Variants in LAMA2 observed in about 807,000 individuals in gnomAD.
The protein encoded by LAMA2 is laminin subunit alpha-2.
A neutral mutation model predicts 364.8 loss-of-function variants in LAMA2; 269 were observed. The observed-to-expected ratio is 0.74, with a 90% CI of 0.67 to 0.82. The LOEUF is 0.82. Among genes scored for constraint, LAMA2 ranks in the 40% least tolerant of loss-of-function variants. The pLI, the probability that LAMA2 is intolerant of heterozygous loss-of-function variation, is 0.00. For missense variants in LAMA2, 3,807 were observed against 3,873.2 expected (o/e 0.98, Z 0.45); for synonymous variants, 1,379 against 1,370.6 (o/e 1.01, Z -0.14).
chr6:129,287,858 G>C lies in LAMA2; in HGVS notation c.2549G>C (p.Gly850Ala), dbSNP rs34487290. Reference protein sequence around the residue: ...TGPRCERCAEGYFGQPSVPGG... With the variant: ...TGPRCERCAEAYFGQPSVPGG... The stretch of plus-strand genomic sequence containing the variant: ...ATTTCTTGCCTTAGGTGTGCAGAAG[G>C]CTATTTTGGACAACCCTCTGTACCT... Residue 850 changes from glycine to alanine, a missense_variant, in exon 19 of 65, where the codon GGC becomes GCC. Around this residue, in one of 3 missense-constraint regions of LAMA2, gnomAD observed 3,333 missense variants for 3,345.7 expected, o/e 1.00. Coordinates refer to ENST00000421865, the MANE Select transcript of LAMA2 (RefSeq NM_000426.4). 1.3e-5 allele frequency: 21 copies of C among 1,613,820 alleles called. No homozygotes were observed. In the South Asian group the frequency reaches 2.0e-4, roughly 15 times the overall value.
intron 12 of LAMA2, among the ~76,000 whole-genome samples, chr6:129,205,410 A>AG (rs1782562144): frequency 6.6e-6 from 1 of 150,974 alleles, no homozygotes; most frequent in Admixed American, 6.6e-5. Context: ...AAAAGAAAAA[A>AG]GAAAAAAAAA....
chr6:129,141,866 G>T (rs1317651544), intron 4 of LAMA2, among the ~76,000 whole-genome samples: 1 of 151,860 alleles, frequency 6.6e-6, no homozygotes, highest in African/African-American at 2.4e-5. Context: ...ATGTTTGTGT[G>T]TGTATGTGTG....
intron 33 of LAMA2, among the ~76,000 whole-genome samples, chr6:129,368,726 G>A (rs1035916929): frequency 5.3e-5 from 8 of 152,220 alleles, no homozygotes; most frequent in Non-Finnish European, 8.8e-5. Flanking sequence ...AGATGACCTG[G>A]ATTATCCTTA....
At chr6:129,026,787 T>G (rs1007952087) in intron 1 of LAMA2, among the ~76,000 whole-genome samples, 1 of 152,102 alleles carries the variant, frequency 6.6e-6, no homozygotes. Flanking sequence ...AGCATCAAAT[T>G]GATTTTGCAG....
At chr6:128,918,296 A>G (rs895439299) in intron 1 of LAMA2, among the ~76,000 whole-genome samples, 4 of 152,182 alleles carry the variant, frequency 2.6e-5, no homozygotes, top group Non-Finnish European at 5.9e-5. Flanking sequence ...ATTTTTAGAT[A>G]TATTGGGGAA....
intron 55 of LAMA2, 75 bp downstream of exon 55, chr6:129,481,514 A>G: frequency 8.2e-7 from 1 of 1,225,754 alleles, no homozygotes; most frequent in Non-Finnish European, 1.2e-6. Flanking sequence ...TTGTATTTTT[A>G]GTTTCGTATC....
chr6:129,157,474 G>C, intron 8 of LAMA2: 1 of 1,604,512 alleles, frequency 6.2e-7, no homozygotes, highest in African/African-American at 1.3e-5. Context: ...CATGCCATGG[G>C]TAAAAACAGT....
intron 12 of LAMA2, among the ~76,000 whole-genome samples, chr6:129,214,657 G>A (rs766575163): frequency 6.6e-5 from 10 of 152,124 alleles, no homozygotes; most frequent in Non-Finnish European, 1.3e-4. Flanking sequence ...TTTCTGACCA[G>A]TACTATATTG....
chr6:129,358,544 T>A (rs1332474171), intron 32 of LAMA2, among the ~76,000 whole-genome samples: 1 of 152,044 alleles, frequency 6.6e-6, no homozygotes, highest in Non-Finnish European at 1.5e-5. Context: ...CTTCTCTTTT[T>A]CTGTGACATC....
chr6:129,454,389 G>C, intron 47 of LAMA2, 101 bp downstream of exon 47: 1 of 889,426 alleles, frequency 1.1e-6, no homozygotes, highest in Admixed American at 2.1e-5. Flanking sequence ...TAAGGTAACT[G>C]TGTATGCATG....
intron 2 of LAMA2, among the ~76,000 whole-genome samples, chr6:129,056,001 C>T (rs1788454696): frequency 6.6e-6 from 1 of 152,144 alleles, no homozygotes; most frequent in Non-Finnish European, 1.5e-5. Context: ...CTTTTTGTGA[C>T]TAATTCTCTT....
Position 129,052,305 on chromosome 6 carries a change from C to CTT in LAMA2, c.283+2232_283+2233dup, listed in dbSNP as rs71272306. Among the ~76,000 whole-genome samples the CTT allele has an allele frequency of 2.5e-3, 334 of 131,258 alleles. 2 individuals carry two copies. Among genetic ancestry groups the CTT allele is most frequent in the Non-Finnish European group, 3.2e-3 (194 of 61,462 alleles). 86.1% of individuals were successfully genotyped at this position (131,258 alleles called of 152,430 possible). ...CGCACGTTGCCACGCCCGGCTAATT[C>CTT]TTTTTTTTTTTTTTTTGTATTTTTA... On this transcript the variant is annotated intron_variant, in intron 2 of 64. Transcript: ENST00000421865.
chr6:129,210,034 A>G lies in LAMA2; in HGVS notation c.1782+17181A>G, dbSNP rs199731071. Reference sequence around the variant, plus strand: ...AAAAAAAAAAAAAAAAATTTTTACTATTGACCCTTACTCTGGATTCACTTA... The same window carrying G: ...AAAAAAAAAAAAAAAAATTTTTACTGTTGACCCTTACTCTGGATTCACTTA... On this transcript the variant is annotated intron_variant, in intron 12 of 64. Coordinates refer to ENST00000421865, the MANE Select transcript of LAMA2 (RefSeq NM_000426.4). Among the ~76,000 whole-genome samples, 87 of 148,282 alleles carry G rather than the reference A, an allele frequency of 5.9e-4. 1 individual carries two copies. In the East Asian group the frequency reaches 0.016, roughly 27 times the overall value.
intron 1 of LAMA2, among the ~76,000 whole-genome samples, chr6:128,996,380 A>G (rs1783942660): frequency 6.6e-6 from 1 of 152,216 alleles, no homozygotes; most frequent in South Asian, 2.1e-4. Context: ...CAATCTATCC[A>G]TCTGACAAAG....
intron 12 of LAMA2, among the ~76,000 whole-genome samples, chr6:129,223,193 GT>G (rs1162860356): frequency 4.6e-5 from 7 of 152,070 alleles, no homozygotes; most frequent in Non-Finnish European, 8.8e-5. Context: ...GGGGTTATTT[GT>G]TTTTTTCTTG....
intron 1 of LAMA2, among the ~76,000 whole-genome samples, chr6:128,910,487 T>A (rs1424288941): frequency 6.6e-6 from 1 of 152,110 alleles, no homozygotes; most frequent in African/African-American, 2.4e-5. Flanking sequence ...TTCAGCTCCA[T>A]CAGCTCCTTT....
chr6:129,060,034 G>T, intron 3 of LAMA2, 138 bp downstream of exon 3: 1 of 681,020 alleles, frequency 1.5e-6, no homozygotes, highest in Non-Finnish European at 2.7e-6. Context: ...ATGAACAAAG[G>T]GTCCTATTCA....
chr6:128,909,964 C>T (rs1247268514), intron 1 of LAMA2, among the ~76,000 whole-genome samples: 8 of 151,828 alleles, frequency 5.3e-5, no homozygotes, highest in Non-Finnish European at 1.0e-4. Flanking sequence ...GAATATTGGC[C>T]CCCACTCTCT....
chr6:129,225,383 G>A (rs9402109), intron 12 of LAMA2, among the ~76,000 whole-genome samples: 20,347 of 151,846 alleles, frequency 0.13, 3,404 homozygotes, highest in African/African-American at 0.4. Context: ...TAGCTTTTGA[G>A]TGTGTTTGCT....
Sources: allele counts gnomAD v4.1 joint callset (sites outside exome capture counted in the v4.1 genomes callset), GRCh38; gene constraint gnomAD v4.1.1; regional missense constraint gnomAD v4.1.1; transcripts MANE v1.5; gene names NCBI Gene and HGNC (gene_info 2026-07-23, HGNC 2026-07-21).